Variants in ATP2A3 observed in about 807,000 individuals in gnomAD.
The protein encoded by ATP2A3 is sarcoplasmic/endoplasmic reticulum calcium ATPase 3.
Under a neutral mutation model 106.8 loss-of-function variants are expected in ATP2A3, and 61 were observed. The ratio of observed to expected loss-of-function variants is 0.57; its 90% CI spans 0.46 to 0.71. ATP2A3 has a LOEUF of 0.71. Ranked by LOEUF, ATP2A3 falls within the 30% of genes least tolerant of loss-of-function variation. ATP2A3 has a pLI of 0.00. For missense variants in ATP2A3, 1,201 were observed against 1,423.5 expected, an observed-to-expected ratio of 0.84 and a Z score of 2.52; for synonymous variants, 611 against 609.3, an observed-to-expected ratio of 1.00 and a Z score of -0.04.
intron 1 of ATP2A3, among the ~76,000 whole-genome samples, chr17:3,963,737 A>C (rs1330683754): frequency 6.6e-6 from 1 of 152,190 alleles, no homozygotes. Flanking sequence ...TGGAGCCCTC[A>C]GGGGAGACCC....
intron 8 of ATP2A3, among the ~76,000 whole-genome samples, chr17:3,945,633 C>T (rs2054071532): frequency 6.6e-6 from 1 of 152,196 alleles, no homozygotes; most frequent in African/African-American, 2.4e-5. Flanking sequence ...CCAGAGATGT[C>T]CCCAGAGAGT....
At position 3,951,199 on chromosome 17, in the gene ATP2A3, A is replaced by T. The variant is rs528807006; in HGVS notation, c.463+52T>A. ...AAAAATAAATAAATAAATAAATAAA[A>T]TAAATAAATAAATAAAATAAAATAA... On this transcript the variant is annotated intron_variant, in intron 5 of 20. Transcript: ENST00000397041. 3,546 of 1,209,180 alleles carry T rather than the reference A, an allele frequency of 2.9e-3. 72 individuals carry two copies. In the African/African-American group the frequency reaches 0.046, roughly 16 times the overall value. 74.9% of individuals were successfully genotyped at this position (1,209,180 alleles called of 1,614,324 possible).
chr17:3,948,656 T>C (rs2054251039), intron 7 of ATP2A3, among the ~76,000 whole-genome samples: 1 of 152,204 alleles, frequency 6.6e-6, no homozygotes, highest in African/African-American at 2.4e-5. Context: ...TGAGCTCAAA[T>C]GATCCTCCTG....
chr17:3,961,778 G>A (rs1396575986), intron 1 of ATP2A3, among the ~76,000 whole-genome samples: 1 of 152,178 alleles, frequency 6.6e-6, no homozygotes. Flanking sequence ...TGGTGTCTGT[G>A]ACCTCACTAA....
chr17:3,951,233 G>T lies in ATP2A3; in HGVS notation c.463+18C>A. ...TAAATAAAATAAAATAAAATAAAAG[G>T]AGGAGGCCCCGGCATACCTGCCACT... On this transcript the variant is annotated intron_variant, in intron 5 of 20. Transcript: ENST00000397041. 1 of 1,457,834 alleles carries T rather than the reference G, an allele frequency of 6.9e-7. No homozygotes were observed. The highest frequency in any genetic ancestry group is 9.1e-7 in the Non-Finnish European group (1 of 1,102,604). 90.3% of individuals were successfully genotyped at this position (1,457,834 alleles called of 1,614,324 possible).
At chr17:3,957,094 G>A (rs571354098) in intron 1 of ATP2A3, among the ~76,000 whole-genome samples, 87 of 152,240 alleles carry the variant, frequency 5.7e-4, no homozygotes, top group African/African-American at 2.0e-3. Flanking sequence ...GCTGGGGACC[G>A]AGCACGTGAG....
chr17:3,939,784 T>TC (rs2053636105), intron 14 of ATP2A3, among the ~76,000 whole-genome samples: 1 of 56,686 alleles, frequency 1.8e-5, no homozygotes, highest in Admixed American at 2.5e-4. Flanking sequence ...CGAGACTCTG[T>TC]CTAAAAAAAA....
chr17:3,926,357 C>A lies in ATP2A3; in HGVS notation c.2981-916G>T, dbSNP rs1031366982. Among the ~76,000 whole-genome samples the A allele has an allele frequency of 5.3e-5, 8 of 152,182 alleles. No homozygotes were observed. Among genetic ancestry groups the A allele is most frequent in the Non-Finnish European group, 1.2e-4 (8 of 68,032 alleles). On this transcript the variant is annotated intron_variant, in intron 20 of 20. Coordinates refer to ENST00000397041, the MANE Select transcript of ATP2A3 (RefSeq NM_005173.4). This position sits in a 1 kb window ranked among gnomAD's most constrained non-coding sequence, Gnocchi z 4.6. ...GTCTGGGCTTCCAGTGAGCACATTCCTCGGGGTGCCTCCACCCCACCCCTC... is the reference window on the plus strand; with the variant it reads ...GTCTGGGCTTCCAGTGAGCACATTCATCGGGGTGCCTCCACCCCACCCCTC...
intron 8 of ATP2A3, chr17:3,945,459 G>T: frequency 3.4e-6 from 1 of 290,598 alleles, no homozygotes; most frequent in Non-Finnish European, 6.5e-6. Context: ...CAGAAAGCCT[G>T]GGTCCTTGCC....
In ATP2A3 at chr17:3,951,570, G is replaced by A. The variant is rs547037835; in HGVS notation, c.324+11C>T. On this transcript the variant is annotated intron_variant, in intron 4 of 20. Coordinates refer to ENST00000397041, the MANE Select transcript of ATP2A3 (RefSeq NM_005173.4). ...CGCCCCCCGCCCGGTCCCACCCCCA[G>A]TGCCTCCCACCTGCCACACGCCCAC... 25 of 359,248 alleles carry A rather than the reference G, an allele frequency of 7.0e-5. No homozygotes were observed. Among genetic ancestry groups the A allele is most frequent in the Non-Finnish European group, 3.5e-5 (7 of 197,800 alleles). The allele number at this position is 359,248 out of a possible 1,614,324, so 22.3% of individuals were successfully genotyped here.
Position 3,950,510 on chromosome 17 carries a change from C to T in ATP2A3, c.630+1G>A. ...GCAAAGGCCCCAGACATTTGACTTA[C>T]AGAAAACAGCATGTTCTTCTTGTCC... is the stretch of plus-strand genomic sequence containing the variant. On this transcript the variant is annotated splice_donor_variant, in intron 7 of 20. Coordinates refer to ENST00000397041, the MANE Select transcript of ATP2A3 (RefSeq NM_005173.4). LOFTEE classifies it high-confidence loss of function. 2 of 1,613,940 alleles carry T rather than the reference C, an allele frequency of 1.2e-6. No homozygotes were observed. The highest frequency in any genetic ancestry group is 1.7e-6 in the Non-Finnish European group (2 of 1,179,884).
chr17:3,932,135 A>ATTTTGTTTTG (rs58002787), intron 17 of ATP2A3, among the ~76,000 whole-genome samples: 32,658 of 151,534 alleles, frequency 0.22, 4,945 homozygotes, highest in African/African-American at 0.43. Context: ...TTTTCTTTTT[A>ATTTTGTTTTG]TTTTGTTTTG....
chr17:3,936,285 G>A lies in ATP2A3; in HGVS notation c.2506C>T (p.Arg836Ter), dbSNP rs770674847. Residue 836 changes from arginine (R) to a stop codon, truncating the protein, a stop_gained, in exon 16 of 21, where the codon CGA becomes TGA. Coordinates refer to ENST00000397041, the MANE Select transcript of ATP2A3 (RefSeq NM_005173.4). LOFTEE classifies it high-confidence loss of function. The surrounding 1 kb of genome is among the most constrained non-coding windows in gnomAD (Gnocchi z 5.4). ...CACTCACCTCCGATAGCCAGGTATC[G>A]GAAGAAGAGCCAGCCACTGATGAGG... ...EALISGWLFF[R>*]YLAIGVYVGL... The A allele has an allele frequency of 5.6e-6, 9 of 1,613,898 alleles. No homozygotes were observed. Among genetic ancestry groups the A allele is most frequent in the Admixed American group, 5.0e-5 (3 of 60,012 alleles).
At chr17:3,959,787 G>A (rs1266160987) in intron 1 of ATP2A3, among the ~76,000 whole-genome samples, 2 of 152,232 alleles carry the variant, frequency 1.3e-5, no homozygotes, top group African/African-American at 4.8e-5. Context: ...CTTGCTCTGC[G>A]GGAGCCACTG....
chr17:3,952,292 C>G (rs1258721992), intron 3 of ATP2A3, among the ~76,000 whole-genome samples: 1 of 152,150 alleles, frequency 6.6e-6, no homozygotes, highest in East Asian at 1.9e-4. Context: ...ACCACGTTGC[C>G]CAGGCTGAAC....
At position 3,964,295 on chromosome 17, in the gene ATP2A3, G is replaced by A; in HGVS notation, c.-4C>T. On this transcript the variant is annotated 5_prime_UTR_variant, in exon 1 of 21. Transcript: ENST00000397041. ...GGAGCAGATGCGCCGCCTCCATGCC[G>A]CCCGCCCGGCCGTCTGCGCCGTCCG... 6 of 1,250,124 alleles carry A rather than the reference G, an allele frequency of 4.8e-6. No homozygotes were observed. Among genetic ancestry groups the A allele is most frequent in the South Asian group, 3.5e-5 (2 of 56,416 alleles). The allele number at this position is 1,250,124 out of a possible 1,614,324, so 77.4% of individuals were successfully genotyped here.
At chr17:3,945,012 C>T (rs1228618368) in intron 9 of ATP2A3, 48 bp downstream of exon 9, 4 of 1,451,266 alleles carry the variant, frequency 2.8e-6, no homozygotes, top group South Asian at 1.3e-5. Context: ...CCACGCGTGG[C>T]CCCGCCCCCA....
intron 1 of ATP2A3, among the ~76,000 whole-genome samples, chr17:3,961,482 C>T (rs1268168243): frequency 6.7e-6 from 1 of 149,268 alleles, no homozygotes; most frequent in African/African-American, 2.5e-5. Flanking sequence ...CGAGGCTCCC[C>T]AGCTCTGAAG....
At chr17:3,933,961 T>C (rs1355492023) in intron 17 of ATP2A3, among the ~76,000 whole-genome samples, 4 of 151,088 alleles carry the variant, frequency 2.6e-5, no homozygotes, top group African/African-American at 7.4e-5. Context: ...TCTTGCTCTG[T>C]CTCCCAGGCT....
Sources: gnomAD v4.1 joint callset for allele counts (sites outside exome capture counted in the v4.1 genomes callset) on GRCh38, gnomAD v4.1.1 for gene constraint, Gnocchi (gnomAD v3.1) non-coding constraint, MANE v1.5 for transcripts, NCBI Gene and HGNC (gene_info 2026-07-23, HGNC 2026-07-21) for gene names.